The following ADGRL3 variants were observed in gnomAD, a reference collection of about 807,000 sequenced individuals.
ADGRL3 encodes the protein calcium-independent alpha-latrotoxin receptor 3.
A neutral mutation model predicts 153.5 loss-of-function variants in ADGRL3; 62 were observed. The observed-to-expected ratio is 0.40, with a 90% confidence interval of 0.33 to 0.50. The LOEUF (loss-of-function observed/expected upper bound fraction) is 0.50. Ranked by LOEUF, ADGRL3 falls within the 20% of genes least tolerant of loss-of-function variation. The pLI is 0.47. For synonymous variants in ADGRL3, 710 were observed against 672.5 expected, an observed-to-expected ratio of 1.06 and a Z score of -0.86; for missense variants, 1,641 against 1,859.4, an observed-to-expected ratio of 0.88 and a Z score of 2.16.
At chr4:62,007,421 T>C (rs866127552) in intron 21 of ADGRL3, among the ~76,000 whole-genome samples, 11 of 98,518 alleles carry the variant, frequency 1.1e-4, no homozygotes, top group East Asian at 6.7e-4. Context: ...TATATATATA[T>C]ACACATATAT....
chr4:61,473,528 A>G (rs2097997155), intron 2 of ADGRL3, among the ~76,000 whole-genome samples: 1 of 152,082 alleles, frequency 6.6e-6, no homozygotes, highest in Non-Finnish European at 1.5e-5. Context: ...GTGTTTGGAC[A>G]AGTTTCTAAA....
chr4:61,923,781 A>T (rs755910110), intron 13 of ADGRL3, among the ~76,000 whole-genome samples: 71 of 152,164 alleles, frequency 4.7e-4, no homozygotes, highest in Non-Finnish European at 7.1e-4. Context: ...CCTCTATTAC[A>T]GCAATTATCA....
intron 8 of ADGRL3, among the ~76,000 whole-genome samples, chr4:61,793,600 G>A (rs2097371091): frequency 1.3e-5 from 2 of 152,006 alleles, no homozygotes; most frequent in Admixed American, 6.6e-5. Flanking sequence ...GCCAAACCAT[G>A]TCAGGCTCCC....
chr4:61,550,658 TAA>T (rs34156288), intron 4 of ADGRL3, among the ~76,000 whole-genome samples: 56,065 of 151,462 alleles, frequency 0.37, 10,935 homozygotes, highest in East Asian at 0.76. Flanking sequence ...AAGATTTTCT[TAA>T]AAAAATTATC....
At chr4:61,328,295 AG>A (rs1372555163) in intron 1 of ADGRL3, among the ~76,000 whole-genome samples, 2 of 152,142 alleles carry the variant, frequency 1.3e-5, no homozygotes, top group Non-Finnish European at 2.9e-5. Flanking sequence ...GAAAGCTTTT[AG>A]GGTTCTGGAT....
intron 9 of ADGRL3, among the ~76,000 whole-genome samples, chr4:61,867,197 G>A (rs980295019): frequency 6.6e-6 from 1 of 151,894 alleles, no homozygotes; most frequent in African/African-American, 2.4e-5. Flanking sequence ...CTAAACATAA[G>A]TGATTTAAGA....
chr4:61,936,532 C>T (rs1419298881), intron 15 of ADGRL3, among the ~76,000 whole-genome samples: 3 of 151,938 alleles, frequency 2.0e-5, no homozygotes, highest in East Asian at 3.9e-4. Context: ...AACTGTAAAT[C>T]AGCTTAGCTT....
At chr4:62,022,594 C>G (rs958510583) in intron 21 of ADGRL3, among the ~76,000 whole-genome samples, 6 of 152,064 alleles carry the variant, frequency 3.9e-5, no homozygotes, top group African/African-American at 1.4e-4. Context: ...TAGACTGACT[C>G]TCTTGTTAGG....
At position 61,439,628 on chromosome 4, in the gene ADGRL3, C is replaced by T. The variant is rs546541823; in HGVS notation, c.-174+56439C>T. ...TAGCCCTCCAACCCCCGACACGCCC[C>T]GGTATGTAATGTTCCCCTCCCTATA... On this transcript the variant is annotated intron_variant, in intron 2 of 26. Coordinates refer to ENST00000683033, the MANE Select transcript of ADGRL3 (RefSeq NM_001387552.1). 2.3e-3 allele frequency among the ~76,000 whole-genome samples: 356 copies of T among 152,186 alleles called. 2 individuals are homozygous for T. The highest frequency in any genetic ancestry group is 2.6e-3 in the Non-Finnish European group (177 of 68,006).
At chr4:62,048,873 A>G (rs1732610644) in intron 25 of ADGRL3, among the ~76,000 whole-genome samples, 1 of 152,000 alleles carries the variant, frequency 6.6e-6, no homozygotes, top group Non-Finnish European at 1.5e-5. Flanking sequence ...TAGATTAACA[A>G]TACCTCTAAA....
chr4:61,310,018 A>G (rs1046443300), intron 1 of ADGRL3, among the ~76,000 whole-genome samples: 2 of 151,682 alleles, frequency 1.3e-5, no homozygotes, highest in Non-Finnish European at 2.9e-5. Context: ...ATGTATATGC[A>G]CTGTTTAACC....
At chr4:61,305,677 T>C (rs1247423847) in intron 1 of ADGRL3, among the ~76,000 whole-genome samples, 1 of 152,068 alleles carries the variant, frequency 6.6e-6, no homozygotes, top group Non-Finnish European at 1.5e-5. Flanking sequence ...TTTGGTGTTG[T>C]GAAGCCAATA....
At chr4:61,540,633 T>C (rs2098684924) in intron 4 of ADGRL3, among the ~76,000 whole-genome samples, 1 of 152,224 alleles carries the variant, frequency 6.6e-6, no homozygotes, top group Admixed American at 6.5e-5. Context: ...ATGTTTTAGA[T>C]ATTAAAATTA....
At chr4:61,244,595 A>G (rs1368540081) in intron 1 of ADGRL3, among the ~76,000 whole-genome samples, 3 of 152,124 alleles carry the variant, frequency 2.0e-5, no homozygotes, top group East Asian at 1.9e-4. Flanking sequence ...AAAAGAGCCA[A>G]TTAAAACCCA....
At chr4:61,947,663 A>G (rs577475871) in intron 16 of ADGRL3, among the ~76,000 whole-genome samples, 2 of 152,258 alleles carry the variant, frequency 1.3e-5, no homozygotes, top group Admixed American at 1.3e-4. Context: ...ACAGAACTAG[A>G]GATGGTTCTA....
chr4:61,487,768 C>T (rs761767311), intron 2 of ADGRL3, among the ~76,000 whole-genome samples: 8 of 151,662 alleles, frequency 5.3e-5, no homozygotes, highest in East Asian at 1.9e-4. Flanking sequence ...AGATTTTATG[C>T]GTGATTTTAT....
chr4:61,584,087 T>A (rs2098936779), intron 4 of ADGRL3, among the ~76,000 whole-genome samples: 1 of 152,058 alleles, frequency 6.6e-6, no homozygotes, highest in Non-Finnish European at 1.5e-5. Flanking sequence ...AAAACCTTTT[T>A]TTTTCCTTTG....
intron 4 of ADGRL3, among the ~76,000 whole-genome samples, chr4:61,544,532 A>G (rs1190007388): frequency 6.6e-6 from 1 of 152,176 alleles, no homozygotes; most frequent in African/African-American, 2.4e-5. Context: ...GTGTACAGAA[A>G]TCTTTCATTG....
chr4:61,340,300 A>T (rs917973744), intron 1 of ADGRL3, among the ~76,000 whole-genome samples: 1 of 152,266 alleles, frequency 6.6e-6, no homozygotes, highest in South Asian at 2.1e-4. Context: ...CACGCTTCTC[A>T]GTGAATTTGT....
Sources: gnomAD v4.1 joint callset for allele counts (sites outside exome capture counted in the v4.1 genomes callset) on GRCh38, gnomAD v4.1.1 for gene constraint, MANE v1.5 for transcripts, NCBI Gene and HGNC (gene_info 2026-07-23, HGNC 2026-07-21) for gene names.